The following RASGRF1 variants were observed in gnomAD, a reference collection of about 807,000 sequenced individuals.
The protein encoded by RASGRF1 is Ras protein specific guanine nucleotide releasing factor 1.
A neutral mutation model predicts 138.7 loss-of-function variants in RASGRF1; 40 were observed. The observed-to-expected ratio is 0.29, with a 90% CI of 0.22 to 0.38. The LOEUF (loss-of-function observed/expected upper bound fraction) is 0.38. RASGRF1 is among the 10% of genes least tolerant of loss of function. The pLI is 1.00. For missense variants in RASGRF1, 1,108 were observed against 1,650.4 expected, an observed-to-expected ratio of 0.67 and a Z score of 5.69; for synonymous variants, 614 against 663.2, an observed-to-expected ratio of 0.93 and a Z score of 1.14.
chr15:79,082,444 G>A (rs182931393), intron 1 of RASGRF1, among the ~76,000 whole-genome samples: 20 of 152,328 alleles, frequency 1.3e-4, no homozygotes, highest in Middle Eastern at 6.8e-3. Flanking sequence ...ATCATCATGA[G>A]CAGTGGCCTC....
At chr15:78,964,875 G>A (rs1407206592) in intron 26 of RASGRF1, among the ~76,000 whole-genome samples, 1 of 151,916 alleles carries the variant, frequency 6.6e-6, no homozygotes, top group Non-Finnish European at 1.5e-5. Flanking sequence ...CTATGGAATG[G>A]ACAGCACTTG....
intron 8 of RASGRF1, among the ~76,000 whole-genome samples, chr15:79,029,233 T>TC (rs1329654904): frequency 1.3e-5 from 2 of 152,134 alleles, no homozygotes; most frequent in Non-Finnish European, 2.9e-5. Context: ...GCAATGCTCT[T>TC]CTTGGAAGCC....
chr15:78,993,196 G>GTGT (rs2056310395), intron 20 of RASGRF1, among the ~76,000 whole-genome samples: 1 of 89,610 alleles, frequency 1.1e-5, no homozygotes, highest in Non-Finnish European at 2.6e-5. Flanking sequence ...GGTGTGGCGT[G>GTGT]TGTATGTGGT....
At chr15:79,085,409 G>A (rs988823374) in intron 1 of RASGRF1, among the ~76,000 whole-genome samples, 1 of 152,148 alleles carries the variant, frequency 6.6e-6, no homozygotes, top group Admixed American at 6.5e-5. Context: ...GATCTTACTG[G>A]GTACTCCAGG....
intron 3 of RASGRF1, among the ~76,000 whole-genome samples, chr15:79,054,034 A>G (rs1209697109): frequency 6.6e-6 from 1 of 152,242 alleles, no homozygotes; most frequent in African/African-American, 2.4e-5. Flanking sequence ...AGCTCAGCCC[A>G]TTTCAAGCTA....
At chr15:79,090,097 CA>C in intron 1 of RASGRF1, 125 bp downstream of exon 1, 1 of 1,314,740 alleles carries the variant, frequency 7.6e-7, no homozygotes, top group East Asian at 2.5e-5. Flanking sequence ...GCTGAGGGTG[CA>C]GAGAGCGCCT....
At chr15:79,082,206 T>G (rs966550611) in intron 1 of RASGRF1, among the ~76,000 whole-genome samples, 3 of 152,196 alleles carry the variant, frequency 2.0e-5, no homozygotes, top group African/African-American at 7.2e-5. Context: ...CACCATATTC[T>G]CCTCTCAGCC....
chr15:78,979,257 G>A, intron 24 of RASGRF1: 1 of 1,161,044 alleles, frequency 8.6e-7, no homozygotes. Context: ...ACACAGAGCT[G>A]GCAAAGGACA....
At chr15:79,072,946 A>G (rs2120338) in intron 1 of RASGRF1, among the ~76,000 whole-genome samples, 151,609 of 152,204 alleles carry the variant, frequency 1, 75,512 homozygotes, top group Middle Eastern at 1. Flanking sequence ...GATAGGACCC[A>G]AATCACACCT....
intron 3 of RASGRF1, among the ~76,000 whole-genome samples, chr15:79,053,687 A>T (rs2057464764): frequency 6.6e-6 from 1 of 152,236 alleles, no homozygotes; most frequent in Non-Finnish European, 1.5e-5. Context: ...GTGTGTCGGC[A>T]TGATCTCCTG....
At chr15:79,010,099 C>T (rs1291940668) in intron 13 of RASGRF1, among the ~76,000 whole-genome samples, 3 of 149,520 alleles carry the variant, frequency 2.0e-5, no homozygotes, top group Admixed American at 1.3e-4. Flanking sequence ...AGGGCAGTGG[C>T]GCAATGTCGG....
At chr15:79,074,132 T>A (rs549433984) in intron 1 of RASGRF1, among the ~76,000 whole-genome samples, 1 of 152,338 alleles carries the variant, frequency 6.6e-6, no homozygotes, top group Non-Finnish European at 1.5e-5. Flanking sequence ...TCCAAATCCC[T>A]TGGGGCGCTT....
chr15:79,080,132 A>G (rs200699675), intron 1 of RASGRF1, among the ~76,000 whole-genome samples: 2 of 134,190 alleles, frequency 1.5e-5, no homozygotes, highest in East Asian at 2.3e-4. Context: ...GGCAATGACT[A>G]TCTCATAACT....
intron 3 of RASGRF1, among the ~76,000 whole-genome samples, chr15:79,054,691 A>G (rs1157075053): frequency 6.6e-6 from 1 of 152,202 alleles, no homozygotes; most frequent in Non-Finnish European, 1.5e-5. Context: ...CAGAACTCTC[A>G]ATGGACACAC....
intron 14 of RASGRF1, chr15:79,004,800 C>T (rs972459349): frequency 2.9e-5 from 29 of 985,428 alleles, no homozygotes; most frequent in African/African-American, 1.2e-4. Context: ...CTTGTCTCAT[C>T]GAGGCTGTCT....
At chr15:78,963,004 G>A (rs1437605879) in intron 26 of RASGRF1, among the ~76,000 whole-genome samples, 2 of 152,242 alleles carry the variant, frequency 1.3e-5, no homozygotes, top group African/African-American at 4.8e-5. Flanking sequence ...GAGGCTGTGT[G>A]AGAGAAGAGC....
rs140770821 is a variant in RASGRF1, at chr15:78,968,250, A to ATATGTGTGTGTGTG, written c.3681+3615_3681+3616insCACACACACACATA. ...GTCTTTTTTATTTTTCATGACACTGATGTGTGTGTGTGTGTGTGTGTGTGT... is the reference window on the plus strand; with the variant it reads ...GTCTTTTTTATTTTTCATGACACTGATATGTGTGTGTGTGTGTGTGTGTGTGTGTGTGTGTGTGT... On this transcript the variant is annotated intron_variant, in intron 26 of 26. Coordinates refer to ENST00000558480, the MANE Select transcript of RASGRF1 (RefSeq NM_001145648.3). Among the ~76,000 whole-genome samples, 44 of 134,328 alleles carry ATATGTGTGTGTGTG rather than the reference A, an allele frequency of 3.3e-4. 1 individual carries two copies. The highest frequency in any genetic ancestry group is 4.6e-4 in the Admixed American group (6 of 13,180). The allele number at this position is 134,328 out of a possible 152,430, so 88.1% of individuals were successfully genotyped here. A position where few individuals can be genotyped will look rare whatever the true frequency, so the allele number is the denominator to read the frequency against.
At position 78,971,892 on chromosome 15, in the gene RASGRF1, C is replaced by T. The variant is rs766730121; in HGVS notation, c.3655G>A (p.Ala1219Thr). ...TTTGCTTGGTGCTCTATTTTGTAGG[C>T]AGTTTGTTGAAACTGGCGAATCTCT... Reference protein sequence around the residue: ...IREIRQFQQTAYKIEHQAKVT... With the variant: ...IREIRQFQQTTYKIEHQAKVT... The change falls in exon 26 of 27, where the codon GCC becomes ACC. Residue 1219 changes from alanine (A) to threonine (T), a missense_variant. Ala to Thr is a moderately conservative substitution (Grantham distance 58, BLOSUM62 0). Transcript: ENST00000558480. 11 of 1,589,748 alleles carry T rather than the reference C, an allele frequency of 6.9e-6. No individual in the cohort carries two copies. The Admixed American group carries it at 1.8e-4, about 27-fold the overall frequency.
chr15:79,057,991 C>G (rs1028920746), intron 3 of RASGRF1, among the ~76,000 whole-genome samples: 13 of 152,246 alleles, frequency 8.5e-5, no homozygotes, highest in African/African-American at 3.1e-4. Context: ...GTGGCTGACA[C>G]AGTAACTAGG....
Sources: gnomAD v4.1 joint callset for allele counts (sites outside exome capture counted in the v4.1 genomes callset) on GRCh38, gnomAD v4.1.1 for gene constraint, MANE v1.5 for transcripts, NCBI Gene and HGNC (gene_info 2026-07-23, HGNC 2026-07-21) for gene names.